The following ANKRD16 variants were observed in gnomAD, a reference collection of about 807,000 sequenced individuals.
ANKRD16 encodes ankyrin repeat domain-containing protein 16.
In ANKRD16, 35 loss-of-function variants were observed where a neutral mutation model predicts 37.9. The ratio of observed to expected loss-of-function variants is 0.92; its 90% CI spans 0.71 to 1.23. ANKRD16 has a LOEUF of 1.23. Among genes scored for constraint, ANKRD16 ranks in the 50% most tolerant of loss-of-function variants. The pLI is 0.00. For synonymous variants in ANKRD16, 206 were observed against 197.2 expected (o/e 1.04, Z -0.37); for missense variants, 480 against 469.9 (o/e 1.02, Z -0.20).
At chr10:5,875,099 A>C (rs913669766) in intron 7 of ANKRD16, among the ~76,000 whole-genome samples, 2 of 152,092 alleles carry the variant, frequency 1.3e-5, no homozygotes, top group African/African-American at 2.4e-5. Flanking sequence ...AGCAACAACG[A>C]CGCCAGACTG....
At position 5,866,120 on chromosome 10, in the gene ANKRD16, G is replaced by C. The variant is rs1426558984; in HGVS notation, c.*34-3429C>G. ...GTAAATGGCATAATAGGTGCCAAAGGAAGTTATGGCTATCAGACAACCGCC... is the reference window on the plus strand; with the variant it reads ...GTAAATGGCATAATAGGTGCCAAAGCAAGTTATGGCTATCAGACAACCGCC... On this transcript the variant is annotated intron_variant, in intron 7 of 7. Transcript: ENST00000380094. The surrounding 1 kb of genome is among the most constrained non-coding windows in gnomAD (Gnocchi z 4.3). Among the ~76,000 whole-genome samples the C allele has an allele frequency of 1.3e-5, 2 of 152,154 alleles. No individual in the cohort carries two copies. The highest frequency in any genetic ancestry group is 1.3e-4 in the Admixed American group (2 of 15,276).
chr10:5,888,213 C>T (rs1482709903), intron 1 of ANKRD16, 146 bp from the exon 2 acceptor site: 3 of 694,604 alleles, frequency 4.3e-6, no homozygotes, highest in Admixed American at 2.8e-5. Context: ...CAGCTTTGAC[C>T]GGCAACCTCT....
In ANKRD16 at chr10:5,869,952, C is replaced by T. The variant is rs952028698; in HGVS notation, c.*34-7261G>A. 2.1e-4 allele frequency among the ~76,000 whole-genome samples: 32 copies of T among 152,180 alleles called. 2 individuals carry two copies. The highest frequency in any genetic ancestry group is 5.9e-4 in the Admixed American group (9 of 15,282). ...GTAGGTAGTTTTTTTGACTGGCCCC[C>T]GCACCCCTGGACTCTCTCCCTCTGA... On this transcript the variant is annotated intron_variant, in intron 7 of 7. Transcript: ENST00000380094. The surrounding 1 kb of genome is among the most constrained non-coding windows in gnomAD (Gnocchi z 4.0).
chr10:5,877,895 A>G (rs1842210058), intron 7 of ANKRD16, among the ~76,000 whole-genome samples: 1 of 152,188 alleles, frequency 6.6e-6, no homozygotes, highest in African/African-American at 2.4e-5. Context: ...AATATGGACT[A>G]CGGGAAGATT....
rs1417140763 is a variant in ANKRD16, at chr10:5,863,750, G to A, written c.*34-1059C>T. ...GAGGGTCTGCGGCTTCATTCCTGAA[G>A]TCAGCAAGACCACAAACCCACTGGG... On this transcript the variant is annotated intron_variant, in intron 7 of 7. Coordinates refer to ENST00000380094, the MANE Select transcript of ANKRD16 (RefSeq NM_019046.3). This position sits in a 1 kb window ranked among gnomAD's most constrained non-coding sequence, Gnocchi z 4.7. Among the ~76,000 whole-genome samples, 5 of 152,160 alleles carry A rather than the reference G, an allele frequency of 3.3e-5. No individual in the cohort carries two copies. The highest frequency in any genetic ancestry group is 7.2e-5 in the African/African-American group (3 of 41,398).
Position 5,863,035 on chromosome 10 carries a change from A to T in ANKRD16, c.*34-344T>A, listed in dbSNP as rs1841963778. Among the ~76,000 whole-genome samples, 3 of 152,140 alleles carry T rather than the reference A, an allele frequency of 2.0e-5. No individual in the cohort carries two copies. The highest frequency in any genetic ancestry group is 2.0e-4 in the Admixed American group (3 of 15,262). Reference sequence around the variant, plus strand: ...CCGGAGCAGCTGACTGTGGTGGAGAAAACTGCAGGACAGGGACCCTCAGCT... The same window carrying T: ...CCGGAGCAGCTGACTGTGGTGGAGATAACTGCAGGACAGGGACCCTCAGCT... On this transcript the variant is annotated intron_variant, in intron 7 of 7. Transcript: ENST00000380094. The surrounding 1 kb of genome is among the most constrained non-coding windows in gnomAD (Gnocchi z 4.7).
Position 5,870,403 on chromosome 10 carries a change from G to A in ANKRD16, c.*33+7694C>T, listed in dbSNP as rs1460211221. Among the ~76,000 whole-genome samples, 1 of 144,854 alleles carries A rather than the reference G, an allele frequency of 6.9e-6. No individual in the cohort carries two copies. The highest frequency in any genetic ancestry group is 1.5e-5 in the Non-Finnish European group (1 of 66,918). On this transcript the variant is annotated intron_variant, in intron 7 of 7. Transcript: ENST00000380094. The surrounding 1 kb of genome is among the most constrained non-coding windows in gnomAD (Gnocchi z 5.0). ...AGCCAGTCCTCATTCCCTCCCTACT[G>A]CTTTTTTTTTTTTTTTTTGAAACAG...
intron 2 of ANKRD16, 75 bp downstream of exon 2, chr10:5,887,772 C>G: frequency 8.1e-7 from 1 of 1,229,168 alleles, no homozygotes; most frequent in Non-Finnish European, 1.1e-6. Flanking sequence ...GTGACCTGAA[C>G]AAGATGCGGT....
At chr10:5,883,227 T>G (rs899295787) in intron 4 of ANKRD16, 60 bp from the exon 5 acceptor site, 3 of 1,554,840 alleles carry the variant, frequency 1.9e-6, no homozygotes, top group African/African-American at 2.7e-5. Flanking sequence ...GCAACTTAGA[T>G]CTGGGCATCT....
chr10:5,884,931 G>C (rs1842392149), intron 3 of ANKRD16, among the ~76,000 whole-genome samples: 1 of 152,100 alleles, frequency 6.6e-6, no homozygotes, highest in South Asian at 2.1e-4. Flanking sequence ...CCCGCTTTCA[G>C]CTAATTTCTT....
chr10:5,882,737 G>A (rs615879), intron 5 of ANKRD16: 233,555 of 275,732 alleles, frequency 0.85, 99,364 homozygotes, highest in Admixed American at 0.88. Flanking sequence ...TTCAAATAAC[G>A]TTATTCCTGA....
At chr10:5,873,653 G>A (rs1589017124) in intron 7 of ANKRD16, among the ~76,000 whole-genome samples, 1 of 152,136 alleles carries the variant, frequency 6.6e-6, no homozygotes, top group Non-Finnish European at 1.5e-5. Flanking sequence ...GTGGATTCTA[G>A]CAACGTCCTG....
In ANKRD16 at chr10:5,862,750, G is replaced by A; in HGVS notation, c.*34-59C>T. The A allele has an allele frequency of 8.3e-7, 1 of 1,199,932 alleles. No homozygotes were observed. 74.3% of individuals were successfully genotyped at this position (1,199,932 alleles called of 1,614,324 possible). A position where few individuals can be genotyped will look rare whatever the true frequency, so the allele number is the denominator to read the frequency against. ...CAGATGAAACAGAAGCTCAGAGAGG[G>A]CAAGCAGCTAGCACAAGGTCCCACA... On this transcript the variant is annotated intron_variant, in intron 7 of 7. Transcript: ENST00000380094. The surrounding 1 kb of genome is among the most constrained non-coding windows in gnomAD (Gnocchi z 6.5).
chr10:5,882,357 C>T (rs891079807), intron 5 of ANKRD16, among the ~76,000 whole-genome samples: 6 of 151,922 alleles, frequency 3.9e-5, no homozygotes, highest in African/African-American at 9.7e-5. Flanking sequence ...ACCTGGCCAA[C>T]GTGGTGAAAC....
At chr10:5,879,643 T>C (rs557489258) in intron 6 of ANKRD16, among the ~76,000 whole-genome samples, 4 of 152,234 alleles carry the variant, frequency 2.6e-5, no homozygotes, top group African/African-American at 2.4e-5. Flanking sequence ...CCAAAATGGA[T>C]GACCTGTGAA....
At chr10:5,883,938 CA>C in intron 4 of ANKRD16, 30 bp downstream of exon 4, 1 of 1,598,152 alleles carries the variant, frequency 6.3e-7, no homozygotes, top group Non-Finnish European at 8.6e-7. Flanking sequence ...TAGGAAGAAC[CA>C]AAAGAATAAA....
chr10:5,889,005 G>C, intron 1 of ANKRD16, 36 bp downstream of exon 1: 5 of 1,484,668 alleles, frequency 3.4e-6, no homozygotes, highest in Non-Finnish European at 3.6e-6. Context: ...TCTGCGAGTA[G>C]AGGGGAGGCG....
rs2131751358 is a variant in ANKRD16 at position 5,864,826 on chromosome 10, C to T, written c.*34-2135G>A. Among the ~76,000 whole-genome samples, 2 of 152,284 alleles carry T rather than the reference C, an allele frequency of 1.3e-5. No individual in the cohort carries two copies. The highest frequency in any genetic ancestry group is 3.4e-3 in the Middle Eastern group (1 of 294). On this transcript the variant is annotated intron_variant, in intron 7 of 7. Transcript: ENST00000380094. This position sits in a 1 kb window ranked among gnomAD's most constrained non-coding sequence, Gnocchi z 4.4. ...CCTGTGAATTATTTGATGATGTCCA[C>T]CATAACTCAGGGAAAGGAAGAAAAT...
At chr10:5,872,588 A>G (rs540505172) in intron 7 of ANKRD16, among the ~76,000 whole-genome samples, 23 of 152,036 alleles carry the variant, frequency 1.5e-4, no homozygotes, top group South Asian at 1.2e-3. Flanking sequence ...ATGGAATCTC[A>G]CTCTGTTGCC....
Sources: gnomAD v4.1 joint callset for allele counts (sites outside exome capture counted in the v4.1 genomes callset) on GRCh38, gnomAD v4.1.1 for gene constraint, Gnocchi (gnomAD v3.1) non-coding constraint, MANE v1.5 for transcripts, NCBI Gene and HGNC (gene_info 2026-07-23, HGNC 2026-07-21) for gene names.